HGF: variants seen among roughly 807,000 people sequenced by gnomAD.
HGF encodes fibroblast-derived tumor cytotoxic factor.
In HGF, 39 loss-of-function variants were observed where a neutral mutation model predicts 111.6. That is an observed-to-expected ratio of 0.35 (90% CI 0.27 to 0.46). The LOEUF is 0.46. Ranked by LOEUF, HGF falls within the 20% of genes least tolerant of loss-of-function variation. HGF has a pLI of 1.00. For synonymous variants in HGF, 285 were observed against 294.8 expected (o/e 0.97, Z 0.34); for missense variants, 735 against 910.5 (o/e 0.81, Z 2.48).
Position 81,743,354 on chromosome 7 carries a change from G to A in HGF, c.864C>T (p.Cys288=), listed in dbSNP as rs374136304. The part of the protein sequence containing the change: ...TRWEYCAIKT[C]ADNTMNDTDV... ...GCAATAAATTTGACCTTCACTTACC[G>A]CATGTTTTAATTGCACAGTACTCCC... Residue 288 remains cysteine, a splice_region_variant and synonymous_variant, in exon 7 of 18, where the codon TGC becomes TGT. Coordinates refer to ENST00000222390, the MANE Select transcript of HGF (RefSeq NM_000601.6). 38 of 1,564,374 alleles carry A rather than the reference G, an allele frequency of 2.4e-5. No homozygotes were observed. Among genetic ancestry groups the A allele is most frequent in the African/African-American group, 6.8e-5 (5 of 73,948 alleles).
In HGF at chr7:81,743,382, C is replaced by G. The variant is rs371502313; in HGVS notation, c.836G>C (p.Arg279Pro). ...PWCYTLDPHT[R>P]WEYCAIKTCA... ...TGTTTTAATTGCACAGTACTCCCAG[C>G]GGGTGTGAGGGTCAAGAGTATAGCA... Residue 279 changes from arginine to proline, a missense_variant, in exon 7 of 18, where the codon CGC (arginine) becomes CCC (proline). Around this residue, in one of 3 missense-constraint regions of HGF, gnomAD observed 553 missense variants for 685.6 expected, o/e 0.81. Transcript: ENST00000222390. The G allele has an allele frequency of 6.2e-7, 1 of 1,610,512 alleles. No individual in the cohort carries two copies. Among genetic ancestry groups the G allele is most frequent in the Non-Finnish European group, 8.5e-7 (1 of 1,176,724 alleles).
chr7:81,746,714 G>A (rs1352062269), intron 5 of HGF, among the ~76,000 whole-genome samples: 2 of 152,006 alleles, frequency 1.3e-5, no homozygotes, highest in Admixed American at 1.3e-4. Flanking sequence ...TCTAACGAGG[G>A]TGAATAGAAT....
At chr7:81,758,833 A>G in intron 2 of HGF, 29 bp from the exon 3 acceptor site, 1 of 1,362,468 alleles carries the variant, frequency 7.3e-7, no homozygotes, top group Non-Finnish European at 1.1e-6. Context: ...TGAAAAGAAG[A>G]AATACTACTA....
intron 12 of HGF, among the ~76,000 whole-genome samples, chr7:81,710,693 A>G (rs1789550372): frequency 6.6e-6 from 1 of 152,232 alleles, no homozygotes; most frequent in African/African-American, 2.4e-5. Context: ...TAGATTGTAG[A>G]TTTATTCAAT....
At chr7:81,729,937 A>T (rs1237437650) in intron 7 of HGF, among the ~76,000 whole-genome samples, 158 bp from the exon 8 acceptor site, 1 of 152,172 alleles carries the variant, frequency 6.6e-6, no homozygotes, top group Non-Finnish European at 1.5e-5. Context: ...TTAACTTAAC[A>T]TTATTACTAA....
chr7:81,748,262 C>T (rs1381981885), intron 5 of HGF, among the ~76,000 whole-genome samples: 1 of 152,196 alleles, frequency 6.6e-6, no homozygotes, highest in East Asian at 1.9e-4. Flanking sequence ...TCATTGCCCT[C>T]TGCTTTTTTG....
intron 14 of HGF, among the ~76,000 whole-genome samples, chr7:81,707,067 T>G (rs867544348): frequency 5.3e-5 from 8 of 151,968 alleles, no homozygotes; most frequent in African/African-American, 1.9e-4. Context: ...TTTCCCCAAC[T>G]GAGGGTAACA....
At chr7:81,731,949 G>A (rs1787672301) in intron 7 of HGF, among the ~76,000 whole-genome samples, 1 of 152,178 alleles carries the variant, frequency 6.6e-6, no homozygotes, top group East Asian at 1.9e-4. Context: ...AGAACAGCCA[G>A]TGTAAACACA....
rs761481749 is a variant in HGF at position 81,743,443 on chromosome 7, A to G, written c.775T>C (p.Tyr259His). ...GGCTGGCCATCGGGATTGCGGCAAT[A>G]ATTATCATCAAAGCCCTTGTCGGGA... is the stretch of plus-strand genomic sequence containing the variant. ...RYPDKGFDDN[Y>H]CRNPDGQPRP... Residue 259 changes from tyrosine (Y) to histidine (H), a missense_variant, in exon 7 of 18, where the codon TAT becomes CAT. This residue lies in a region of HGF where 553 missense variants were observed against 685.6 expected (regional missense o/e 0.81). Coordinates refer to ENST00000222390, the MANE Select transcript of HGF (RefSeq NM_000601.6). 11 of 1,613,150 alleles carry G rather than the reference A, an allele frequency of 6.8e-6. No homozygotes were observed. The highest frequency in any genetic ancestry group is 1.6e-4 in the Middle Eastern group (1 of 6,062).
intron 2 of HGF, among the ~76,000 whole-genome samples, chr7:81,762,270 C>A (rs996910730): frequency 5.9e-5 from 9 of 152,128 alleles, no homozygotes; most frequent in African/African-American, 2.2e-4. Context: ...CTCTCAACAC[C>A]TTTTATTTAA....
chr7:81,735,522 A>G (rs558413131), intron 7 of HGF, among the ~76,000 whole-genome samples: 61 of 152,230 alleles, frequency 4.0e-4, no homozygotes, highest in African/African-American at 1.4e-3. Context: ...GAAAGAAAAT[A>G]ATTTGTAAAA....
At chr7:81,717,421 CA>C in intron 10 of HGF, 56 bp from the exon 11 acceptor site, 2 of 1,459,740 alleles carry the variant, frequency 1.4e-6, no homozygotes, top group Non-Finnish European at 1.9e-6. Context: ...CCAAGAGACA[CA>C]AAATATTACA....
In HGF at chr7:81,726,336, A is replaced by G. The variant is rs5745701; in HGVS notation, c.1041-319T>C. Among the ~76,000 whole-genome samples the G allele has an allele frequency of 9.4e-3, 1,436 of 152,274 alleles. 21 individuals carry two copies. The highest frequency in any genetic ancestry group is 0.033 in the African/African-American group (1,373 of 41,552). ...CTCAGTCTTAAGATTGAGACTCTCA[A>G]TTGGTACCATTTCAAAACATTGGCC... On this transcript the variant is annotated intron_variant, in intron 8 of 17. Coordinates refer to ENST00000222390, the MANE Select transcript of HGF (RefSeq NM_000601.6).
At chr7:81,703,635 T>C (rs1202271460) in intron 17 of HGF, among the ~76,000 whole-genome samples, 1 of 151,288 alleles carries the variant, frequency 6.6e-6, no homozygotes, top group African/African-American at 2.4e-5. Context: ...ATGTAACAAC[T>C]ACAACTGTGC....
chr7:81,731,689 A>C (rs1787661751), intron 7 of HGF, among the ~76,000 whole-genome samples: 1 of 152,180 alleles, frequency 6.6e-6, no homozygotes, highest in African/African-American at 2.4e-5. Flanking sequence ...TGATATGAGG[A>C]AACTGAATGT....
chr7:81,707,405 G>T (rs751552963), intron 13 of HGF, 41 bp from the exon 14 acceptor site: 1 of 1,201,574 alleles, frequency 8.3e-7, no homozygotes, highest in Non-Finnish European at 1.2e-6. Flanking sequence ...CATCTGTGCA[G>T]AAAGAGTGAC....
chr7:81,707,798 C>A (rs1385459148), intron 13 of HGF, among the ~76,000 whole-genome samples: 2 of 152,042 alleles, frequency 1.3e-5, no homozygotes, highest in African/African-American at 4.8e-5. Flanking sequence ...ACCCTGAAAA[C>A]CATCTAGTGG....
intron 5 of HGF, among the ~76,000 whole-genome samples, chr7:81,747,831 G>A (rs1788334577): frequency 6.6e-6 from 1 of 152,102 alleles, no homozygotes; most frequent in African/African-American, 2.4e-5. Flanking sequence ...TACTTGGAAG[G>A]CTGAGGCAGG....
rs781437504 is a variant in HGF, at chr7:81,729,705, T to A, written c.940A>T (p.Arg314Trp). 1.9e-6 allele frequency: 3 copies of A among 1,613,792 alleles called. No homozygotes were observed. Among genetic ancestry groups the A allele is most frequent in the Non-Finnish European group, 2.5e-6 (3 of 1,179,728 alleles). Residue 314 changes from arginine (R) to tryptophan (W), a missense_variant, in exon 8 of 18, where the codon AGG (arginine) becomes TGG (tryptophan). Arg to Trp is a moderately radical substitution (Grantham distance 101). This residue lies in a region of HGF where 553 missense variants were observed against 685.6 expected (regional missense o/e 0.81). Coordinates refer to ENST00000222390, the MANE Select transcript of HGF (RefSeq NM_000601.6). ...ECIQGQGEGY[R>W]GTVNTIWNGI... Reference sequence around the variant, plus strand: ...TTCCAAATGGTATTGACAGTGCCCCTGTAGCCTTCTCCTTGACCTTGGATG... The same window carrying A: ...TTCCAAATGGTATTGACAGTGCCCCAGTAGCCTTCTCCTTGACCTTGGATG...
Sources: gnomAD v4.1 joint callset for allele counts (sites outside exome capture counted in the v4.1 genomes callset) on GRCh38, gnomAD v4.1.1 for gene constraint, gnomAD v4.1.1 regional missense constraint, MANE v1.5 for transcripts, NCBI Gene and HGNC (gene_info 2026-07-23, HGNC 2026-07-21) for gene names.